Variants in KIF13A observed in about 807,000 individuals in gnomAD.
The protein encoded by KIF13A is kinesin family member 13A.
A neutral mutation model predicts 212.2 loss-of-function variants in KIF13A; 79 were observed. That is an observed-to-expected ratio of 0.37 (90% CI 0.31 to 0.45). The LOEUF (loss-of-function observed/expected upper bound fraction) is 0.45, where lower values mean the gene tolerates loss of function less well. KIF13A is among the 20% of genes least tolerant of loss of function. The probability of loss-of-function intolerance (pLI) is 1.00; values close to 1 mark genes in which losing one functional copy is unlikely to be tolerated. For synonymous variants in KIF13A, 789 were observed against 808.6 expected (o/e 0.98, Z 0.41); for missense variants, 1,901 against 2,209.0 (o/e 0.86, Z 2.79).
rs1765156802 is a variant in KIF13A, at chr6:17,828,390, G to T, written c.1402-20C>A. 6.3e-7 allele frequency: 1 copy of T among 1,593,984 alleles called. No homozygotes were observed. The highest frequency in any genetic ancestry group is 1.3e-5 in the African/African-American group (1 of 74,114). On this transcript the variant is annotated intron_variant, in intron 13 of 38. Coordinates refer to ENST00000259711, the MANE Select transcript of KIF13A (RefSeq NM_022113.6). The surrounding 1 kb of genome is among the most constrained non-coding windows in gnomAD (Gnocchi z 4.3). ...GTGATCCTAGTAAAAGATTATTAAG[G>T]AAAGAAAAACCCACATTTATGAGTA...
intron 3 of KIF13A, among the ~76,000 whole-genome samples, chr6:17,890,065 G>A (rs1581648021): frequency 6.6e-6 from 1 of 151,900 alleles, no homozygotes; most frequent in Admixed American, 6.6e-5. Flanking sequence ...ACACATGCCA[G>A]TAATCCCAGC....
intron 4 of KIF13A, among the ~76,000 whole-genome samples, chr6:17,857,524 G>A (rs763251127): frequency 1.3e-4 from 20 of 152,036 alleles, no homozygotes; most frequent in Non-Finnish European, 2.4e-4. Flanking sequence ...CCAGTCATGC[G>A]GAACTGTGAG....
rs368584415 is a variant in KIF13A, at chr6:17,777,284, A to G, written c.4163T>C (p.Val1388Ala). Residue 1388 changes from valine (V) to alanine (A), a missense_variant, in exon 34 of 39, where the codon GTT (valine) becomes GCT (alanine). Val to Ala is a moderately conservative substitution (Grantham distance 64, BLOSUM62 0). Around this residue, in one of 5 missense-constraint regions of KIF13A, gnomAD observed 687 missense variants for 759.1 expected, o/e 0.90. Coordinates refer to ENST00000259711, the MANE Select transcript of KIF13A (RefSeq NM_022113.6). This position sits in a 1 kb window ranked among gnomAD's most constrained non-coding sequence, Gnocchi z 4.4. ...HIRRSLSTPN[V>A]HNVSSSRPDL... ...TTGGCAGGATGCACTTACATTATGA[A>G]CATTTGGTGTACTGAGGCTCCTCCG... 3 of 1,611,622 alleles carry G rather than the reference A, an allele frequency of 1.9e-6. No homozygotes were observed. The highest frequency in any genetic ancestry group is 2.5e-6 in the Non-Finnish European group (3 of 1,178,720).
At chr6:17,949,245 G>A (rs1363274889) in intron 2 of KIF13A, among the ~76,000 whole-genome samples, 1 of 152,114 alleles carries the variant, frequency 6.6e-6, no homozygotes, top group African/African-American at 2.4e-5. Context: ...GGAAAAAGTC[G>A]CCAGAGTGTA....
intron 2 of KIF13A, among the ~76,000 whole-genome samples, chr6:17,974,347 G>A (rs1284462849): frequency 1.3e-5 from 2 of 152,164 alleles, no homozygotes; most frequent in African/African-American, 4.8e-5. Context: ...CAAAGTGCTA[G>A]GATTACAGGC....
chr6:17,930,582 A>G (rs1775904275), intron 2 of KIF13A, among the ~76,000 whole-genome samples: 3 of 152,188 alleles, frequency 2.0e-5, no homozygotes, highest in African/African-American at 7.2e-5. Context: ...GGTACTGCCA[A>G]ATTAGCTGGG....
At chr6:17,889,190 T>C (rs1457293014) in intron 3 of KIF13A, among the ~76,000 whole-genome samples, 1 of 152,196 alleles carries the variant, frequency 6.6e-6, no homozygotes, top group African/African-American at 2.4e-5. Context: ...TCCCCCTTAC[T>C]TTTTCTGAGC....
intron 2 of KIF13A, among the ~76,000 whole-genome samples, chr6:17,936,576 G>T (rs1270679604): frequency 1.3e-5 from 2 of 152,296 alleles, no homozygotes; most frequent in East Asian, 1.9e-4. Context: ...GAGAGAGTTT[G>T]CAGGTATTAT....
At chr6:17,845,975 G>T (rs1158941274) in intron 9 of KIF13A, among the ~76,000 whole-genome samples, 1 of 148,990 alleles carries the variant, frequency 6.7e-6, no homozygotes, top group African/African-American at 2.5e-5. Context: ...CCAAAGAAAC[G>T]TTAAGTGGGA....
At chr6:17,983,447 C>T (rs932181773) in intron 2 of KIF13A, among the ~76,000 whole-genome samples, 2 of 151,056 alleles carry the variant, frequency 1.3e-5, no homozygotes, top group African/African-American at 4.9e-5. Context: ...CCACTCCATC[C>T]CTTCACCCAC....
chr6:17,879,534 G>A (rs921068917), intron 3 of KIF13A, among the ~76,000 whole-genome samples: 1 of 152,162 alleles, frequency 6.6e-6, no homozygotes, highest in Non-Finnish European at 1.5e-5. Flanking sequence ...GTCACTAGAT[G>A]AGCACTGGGG....
In KIF13A at chr6:17,828,145, C is replaced by A; in HGVS notation, c.1532+95G>T. 1 of 1,334,058 alleles carries A rather than the reference C, an allele frequency of 7.5e-7. No individual in the cohort carries two copies. The highest frequency in any genetic ancestry group is 1.5e-5 in the South Asian group (1 of 67,216). 82.6% of individuals were successfully genotyped at this position (1,334,058 alleles called of 1,614,324 possible). On this transcript the variant is annotated intron_variant, in intron 14 of 38. Coordinates refer to ENST00000259711, the MANE Select transcript of KIF13A (RefSeq NM_022113.6). This position sits in a 1 kb window ranked among gnomAD's most constrained non-coding sequence, Gnocchi z 4.3. ...CCTGAGGACCCCCATGTATCCTTAA[C>A]TTTAATATAGCTGAAAGCAAACAGA...
intron 2 of KIF13A, among the ~76,000 whole-genome samples, chr6:17,910,254 T>C (rs1773922989): frequency 6.6e-6 from 1 of 152,256 alleles, no homozygotes; most frequent in South Asian, 2.1e-4. Flanking sequence ...CCCATATCGC[T>C]AGCTAGAGAA....
At chr6:17,928,096 G>C (rs922424074) in intron 2 of KIF13A, among the ~76,000 whole-genome samples, 1 of 152,172 alleles carries the variant, frequency 6.6e-6, no homozygotes, top group African/African-American at 2.4e-5. Context: ...CAGAAATTTA[G>C]GTATCTACTT....
chr6:17,876,941 T>C (rs534666674), intron 3 of KIF13A, among the ~76,000 whole-genome samples: 2 of 152,300 alleles, frequency 1.3e-5, no homozygotes, highest in Admixed American at 6.5e-5. Flanking sequence ...GGCCTGTATA[T>C]ATGTTTCATC....
chr6:17,983,145 C>T (rs1377298662), intron 2 of KIF13A, among the ~76,000 whole-genome samples: 1 of 148,980 alleles, frequency 6.7e-6, no homozygotes, highest in East Asian at 2.0e-4. Context: ...TGCACTCCAG[C>T]CCAGGTGACA....
At chr6:17,907,159 T>TA (rs1442201436) in intron 2 of KIF13A, among the ~76,000 whole-genome samples, 3 of 152,200 alleles carry the variant, frequency 2.0e-5, no homozygotes, top group Non-Finnish European at 4.4e-5. Flanking sequence ...ACATATTTAA[T>TA]GACCCTATAC....
chr6:17,865,740 G>A (rs1769300986), intron 4 of KIF13A, among the ~76,000 whole-genome samples: 1 of 152,194 alleles, frequency 6.6e-6, no homozygotes, highest in South Asian at 2.1e-4. Flanking sequence ...ATCAACTACA[G>A]AAAAGTCTAC....
At position 17,839,366 on chromosome 6, in the gene KIF13A, C is replaced by T. The variant is rs1483926663; in HGVS notation, c.831-1783G>A. Among the ~76,000 whole-genome samples, 2 of 152,122 alleles carry T rather than the reference C, an allele frequency of 1.3e-5. No homozygotes were observed. The highest frequency in any genetic ancestry group is 1.3e-4 in the Admixed American group (2 of 15,278). ...CATGAATATTCAAAGCAGCTTTATC[C>T]ACAAAAGTCAAAATGTGGAAACGAC... On this transcript the variant is annotated intron_variant, in intron 9 of 38. Coordinates refer to ENST00000259711, the MANE Select transcript of KIF13A (RefSeq NM_022113.6). The surrounding 1 kb of genome is among the most constrained non-coding windows in gnomAD (Gnocchi z 4.3).
Sources: gnomAD v4.1 joint callset for allele counts (sites outside exome capture counted in the v4.1 genomes callset) on GRCh38, gnomAD v4.1.1 for gene constraint, gnomAD v4.1.1 regional missense constraint, Gnocchi (gnomAD v3.1) non-coding constraint, MANE v1.5 for transcripts, NCBI Gene and HGNC (gene_info 2026-07-23, HGNC 2026-07-21) for gene names.